Variants in CDKN1B observed in about 807,000 individuals in gnomAD.
CDKN1B encodes the protein cyclin-dependent kinase inhibitor 1B.
Under a neutral mutation model 17.1 loss-of-function variants are expected in CDKN1B, and 7 were observed. That is an observed-to-expected ratio of 0.41 (90% confidence interval 0.23 to 0.77). CDKN1B has a LOEUF of 0.77. CDKN1B is among the 30% of genes least tolerant of loss of function. The pLI, the probability that CDKN1B is intolerant of heterozygous loss-of-function variation, is 0.33. For missense variants in CDKN1B, 337 were observed against 262.0 expected (o/e 1.29, Z -1.98); for synonymous variants, 149 against 104.3 (o/e 1.43, Z -2.61).
In CDKN1B at chr12:12,722,028, A is replaced by C. The variant is rs1198048335; in HGVS notation, c.*1001A>C. The C allele has an allele frequency of 6.6e-6, 1 of 152,266 alleles. No individual in the cohort carries two copies. The highest frequency in any genetic ancestry group is 1.5e-5 in the Non-Finnish European group (1 of 68,044). The allele number at this position is 152,266 out of a possible 1,614,324, so 9.4% of individuals were successfully genotyped here. ...AAAAGCACACTTGTAGGATAAGTGA[A>C]ATGGATACTACATCTTTAAACAGTA... On this transcript the variant is annotated 3_prime_UTR_variant, in exon 3 of 3. Coordinates refer to ENST00000228872, the MANE Select transcript of CDKN1B (RefSeq NM_004064.5).
intron 2 of CDKN1B, 150 bp downstream of exon 2, chr12:12,719,104 C>CT: frequency 1.1e-6 from 1 of 884,118 alleles, no homozygotes; most frequent in Non-Finnish European, 1.8e-6. Context: ...ATGGGGAAGG[C>CT]TGGGGATACG....
chr12:12,719,851 A>G (rs1217847064), intron 2 of CDKN1B, among the ~76,000 whole-genome samples: 3 of 152,262 alleles, frequency 2.0e-5, no homozygotes, highest in Non-Finnish European at 4.4e-5. Context: ...CCAGATAACC[A>G]ACATGGGTTG....
Position 12,718,177 on chromosome 12 carries a change from GCCCGGC to G in CDKN1B, c.339_344del (p.Pro114_Ala115del). On this transcript the variant is annotated inframe_deletion, in exon 1 of 3. Transcript: ENST00000228872. ...GAGAGCCAGGATGTCAGCGGGAGCC[GCCCGGC>G]GGCGCCTTTAATTGGGGCTCCGGCT... is the stretch of plus-strand genomic sequence containing the variant. 1 of 1,613,006 alleles carries G rather than the reference GCCCGGC, an allele frequency of 6.2e-7. No individual in the cohort carries two copies. The highest frequency in any genetic ancestry group is 8.5e-7 in the Non-Finnish European group (1 of 1,179,736).
Position 12,720,770 on chromosome 12 carries a change from C to T in CDKN1B, c.*9-266C>T, listed in dbSNP as rs190633082. On this transcript the variant is annotated intron_variant, in intron 2 of 2. Transcript: ENST00000228872. Reference sequence around the variant, plus strand: ...CCAGTGTGACAACCTAAAATGTCTCCAGACATTGCCAAATGTTCCCTGTGG... The same window carrying T: ...CCAGTGTGACAACCTAAAATGTCTCTAGACATTGCCAAATGTTCCCTGTGG... Among the ~76,000 whole-genome samples, 111 of 152,216 alleles carry T rather than the reference C, an allele frequency of 7.3e-4. 1 individual carries two copies. Among genetic ancestry groups the T allele is most frequent in the Admixed American group, 7.3e-3 (111 of 15,274 alleles).
rs146161282 is a variant in CDKN1B, at chr12:12,718,115, G to A, written c.276G>A (p.Pro92=). Residue 92 remains proline, a synonymous_variant, in exon 1 of 3, where the codon CCG becomes CCA. Transcript: ENST00000228872. ...GSLPEFYYRP[P]RPPKGACKVP... is the part of the protein sequence containing the mutation. ...TGCCCGAGTTCTACTACAGACCCCCGCGGCCCCCCAAAGGTGCCTGCAAGG... is the reference window on the plus strand; with the variant it reads ...TGCCCGAGTTCTACTACAGACCCCCACGGCCCCCCAAAGGTGCCTGCAAGG... 6.2e-7 allele frequency: 1 copy of A among 1,614,054 alleles called. No individual in the cohort carries two copies. Among genetic ancestry groups the A allele is most frequent in the East Asian group, 2.2e-5 (1 of 44,900 alleles).
chr12:12,718,469 TTGTC>T (rs978122535), intron 1 of CDKN1B, among the ~76,000 whole-genome samples, 155 bp downstream of exon 1: 1 of 152,210 alleles, frequency 6.6e-6, no homozygotes, highest in African/African-American at 2.4e-5. Flanking sequence ...GGCCCACTGC[TTGTC>T]TGTTTGTGAC....
Position 12,717,715 on chromosome 12 carries a change from T to G in CDKN1B, c.-125T>G. On this transcript the variant is annotated 5_prime_UTR_variant, in exon 1 of 3. Coordinates refer to ENST00000228872, the MANE Select transcript of CDKN1B (RefSeq NM_004064.5). ...GCCGTGGCTCGTCGGGGTCTGTGTC[T>G]TTTGGCTCCGAGGGCAGTCGCTGGG... 1.9e-6 allele frequency: 3 copies of G among 1,559,672 alleles called. No homozygotes were observed. Among genetic ancestry groups the G allele is most frequent in the Admixed American group, 1.9e-5 (1 of 52,792 alleles).
At chr12:12,718,620 A>G (rs769108861) in intron 1 of CDKN1B, among the ~76,000 whole-genome samples, 4 of 152,336 alleles carry the variant, frequency 2.6e-5, no homozygotes, top group Non-Finnish European at 4.4e-5. Flanking sequence ...GGCTAGGGAA[A>G]GAGCTCTGGG....
Position 12,718,325 on chromosome 12 carries a change from T to C in CDKN1B, c.475+11T>C, listed in dbSNP as rs1363405269. On this transcript the variant is annotated intron_variant, in intron 1 of 2. Transcript: ENST00000228872. Reference sequence around the variant, plus strand: ...GACCTGCAACCGACGGTAATGACCCTTTCCCAACCATAGAATGTGTTTGGG... The same window carrying C: ...GACCTGCAACCGACGGTAATGACCCCTTCCCAACCATAGAATGTGTTTGGG... 2 of 1,598,524 alleles carry C rather than the reference T, an allele frequency of 1.3e-6. No homozygotes were observed. The highest frequency in any genetic ancestry group is 2.7e-5 in the African/African-American group (2 of 75,022).
intron 1 of CDKN1B, 112 bp from the exon 2 acceptor site, chr12:12,718,713 T>G: frequency 8.2e-7 from 1 of 1,212,690 alleles, no homozygotes; most frequent in Non-Finnish European, 1.2e-6. Context: ...TCCAGGATTG[T>G]GGGTGGAGGT....
In CDKN1B at chr12:12,718,231, T is replaced by C. The variant is rs1219626593; in HGVS notation, c.392T>C (p.Val131Ala). Residue 131 changes from valine (V) to alanine (A), a missense_variant, in exon 1 of 3, where the codon GTG becomes GCG. By Grantham distance (64) the Val-to-Ala change is moderately conservative. Transcript: ENST00000228872. Reference sequence around the variant, plus strand: ...GCTAACTCTGAGGACACGCATTTGGTGGACCCAAAGACTGATCCGTCGGAC... The same window carrying C: ...GCTAACTCTGAGGACACGCATTTGGCGGACCCAAAGACTGATCCGTCGGAC... ...APANSEDTHL[V>A]DPKTDPSDSQ... 6.2e-7 allele frequency: 1 copy of C among 1,612,514 alleles called. No individual in the cohort carries two copies.
intron 2 of CDKN1B, among the ~76,000 whole-genome samples, chr12:12,719,876 A>G (rs1242263368): frequency 1.3e-5 from 2 of 152,178 alleles, no homozygotes; most frequent in Non-Finnish European, 1.5e-5. Flanking sequence ...TTCATAATAA[A>G]CTACATATTT....
rs886049078 is a variant in CDKN1B, at chr12:12,717,454, C to T, written c.-386C>T. The T allele has an allele frequency of 3.7e-4, 481 of 1,301,632 alleles. 1 individual carries two copies. The Middle Eastern group carries it at 6.6e-3, about 18-fold the overall frequency. The allele number at this position is 1,301,632 out of a possible 1,614,324, so 80.6% of individuals were successfully genotyped here. On this transcript the variant is annotated 5_prime_UTR_variant, in exon 1 of 3. Coordinates refer to ENST00000228872, the MANE Select transcript of CDKN1B (RefSeq NM_004064.5). ...TTCGGGGTGTTTTTCTCCCCCTCCC[C>T]TGTCCCCGCTTGCTCACGGCTCTGC... is the stretch of plus-strand genomic sequence containing the variant.
chr12:12,717,943 C>T lies in CDKN1B; in HGVS notation c.104C>T (p.Pro35Leu), dbSNP rs375297371. 1.3e-5 allele frequency: 21 copies of T among 1,614,078 alleles called. No homozygotes were observed. The highest frequency in any genetic ancestry group is 5.3e-5 in the African/African-American group (4 of 74,932). The part of the protein sequence containing the change: ...KPSACRNLFG[P>L]VDHEELTRDL... The stretch of plus-strand genomic sequence containing the variant: ...TCGGCCTGCAGGAACCTCTTCGGCC[C>T]GGTGGACCACGAAGAGTTAACCCGG... Residue 35 changes from proline to leucine, a missense_variant, in exon 1 of 3, where the codon CCG becomes CTG. Pro to Leu is a moderately conservative substitution (Grantham distance 98, BLOSUM62 -3). Coordinates refer to ENST00000228872, the MANE Select transcript of CDKN1B (RefSeq NM_004064.5).
chr12:12,720,596 C>T (rs1341041370), intron 2 of CDKN1B, among the ~76,000 whole-genome samples: 4 of 152,066 alleles, frequency 2.6e-5, no homozygotes, highest in Non-Finnish European at 4.4e-5. Context: ...TGCCTTTGAC[C>T]TAGATTATTT....
Position 12,718,715 on chromosome 12 carries a change from G to C in CDKN1B, c.476-110G>C, listed in dbSNP as rs1946508379. The C allele has an allele frequency of 5.7e-6, 7 of 1,230,412 alleles. No homozygotes were observed. The East Asian group carries it at 1.6e-4, about 29-fold the overall frequency. 76.2% of individuals were successfully genotyped at this position (1,230,412 alleles called of 1,614,324 possible). ...TGGGGATGACGGATCCAGGATTGTG[G>C]GTGGAGGTAGTGGGTTTTTCATCCC... On this transcript the variant is annotated intron_variant, in intron 1 of 2. Transcript: ENST00000228872.
intron 2 of CDKN1B, chr12:12,719,253 G>C (rs1045292805): frequency 1.3e-5 from 5 of 377,906 alleles, no homozygotes; most frequent in African/African-American, 1.0e-4. Flanking sequence ...GGAGCAATAG[G>C]TTCTTTGCCC....
At chr12:12,719,266 C>T in intron 2 of CDKN1B, 1 of 351,854 alleles carries the variant, frequency 2.8e-6, no homozygotes, top group Non-Finnish European at 5.4e-6. Context: ...CTTTGCCCAT[C>T]CGAACAAGAA....
rs797044483 is a variant in CDKN1B at position 12,718,172 on chromosome 12, GA to G, written c.334del (p.Ser112AlafsTer7). ...CGCAGGAGAGCCAGGATGTCAGCGG[GA>G]GCCGCCCGGCGGCGCCTTTAATTGG... ...PAQESQDVSG[S>X]RPAAPLIGAP... On this transcript the variant is annotated frameshift_variant, in exon 1 of 3. Coordinates refer to ENST00000228872, the MANE Select transcript of CDKN1B (RefSeq NM_004064.5). LOFTEE classifies it high-confidence loss of function. 6.2e-7 allele frequency: 1 copy of G among 1,613,304 alleles called. No homozygotes were observed. The highest frequency in any genetic ancestry group is 8.5e-7 in the Non-Finnish European group (1 of 1,179,788).
Sources: gnomAD v4.1 joint callset for allele counts (sites outside exome capture counted in the v4.1 genomes callset) on GRCh38, gnomAD v4.1.1 for gene constraint, MANE v1.5 for transcripts, NCBI Gene and HGNC (gene_info 2026-07-23, HGNC 2026-07-21) for gene names.